DSCAM: variants seen among roughly 807,000 people sequenced by gnomAD.
The protein encoded by DSCAM is cell adhesion molecule DSCAM.
DSCAM carries 47 observed loss-of-function variants against 217.7 expected under a neutral mutation model. The observed-to-expected ratio is 0.22, with a 90% CI of 0.17 to 0.28. DSCAM has a LOEUF of 0.28. Ranked by LOEUF, DSCAM falls within the 10% of genes least tolerant of loss-of-function variation. The pLI, the probability that DSCAM is intolerant of heterozygous loss-of-function variation, is 1.00. For synonymous variants in DSCAM, 1,056 were observed against 1,015.3 expected (o/e 1.04, Z -0.76); for missense variants, 2,080 against 2,618.3 (o/e 0.79, Z 4.49).
intron 3 of DSCAM, among the ~76,000 whole-genome samples, chr21:40,617,510 C>T (rs1049675901): frequency 5.9e-5 from 9 of 152,164 alleles, no homozygotes; most frequent in East Asian, 1.9e-4. Context: ...TTCTAGGACC[C>T]GAGCAGGACA....
chr21:40,417,272 G>GCA (rs2075381153), intron 3 of DSCAM, among the ~76,000 whole-genome samples: 1 of 151,942 alleles, frequency 6.6e-6, no homozygotes, highest in South Asian at 2.1e-4. Context: ...GGGTACATGT[G>GCA]CACAATGTGC....
intron 3 of DSCAM, among the ~76,000 whole-genome samples, chr21:40,522,109 T>C (rs1021416088): frequency 3.9e-5 from 6 of 152,208 alleles, no homozygotes; most frequent in African/African-American, 1.2e-4. Flanking sequence ...AACTCTGCTA[T>C]AGAACAAAGC....
At chr21:40,172,319 A>C (rs2090667939) in intron 15 of DSCAM, among the ~76,000 whole-genome samples, 1 of 152,274 alleles carries the variant, frequency 6.6e-6, no homozygotes, top group South Asian at 2.1e-4. Flanking sequence ...TAAGAAATCC[A>C]AAACTCTTCG....
At chr21:40,625,976 T>C (rs2089595561) in intron 3 of DSCAM, among the ~76,000 whole-genome samples, 1 of 152,202 alleles carries the variant, frequency 6.6e-6, no homozygotes, top group African/African-American at 2.4e-5. Context: ...ATCTTTATTA[T>C]TTAGGTGTCT....
At chr21:40,436,661 AACAGCT>A (rs1249908714) in intron 3 of DSCAM, among the ~76,000 whole-genome samples, 1 of 152,196 alleles carries the variant, frequency 6.6e-6, no homozygotes, top group African/African-American at 2.4e-5. Context: ...GGGTGTCAGG[AACAGCT>A]ACAAAGCTTG....
At chr21:40,636,470 A>G (rs1377838532) in intron 3 of DSCAM, among the ~76,000 whole-genome samples, 4 of 152,234 alleles carry the variant, frequency 2.6e-5, no homozygotes, top group Middle Eastern at 3.4e-3. Flanking sequence ...CTTAGGTTAT[A>G]TTTGATCATC....
chr21:40,406,989 G>C (rs2035354635), intron 3 of DSCAM, among the ~76,000 whole-genome samples: 1 of 152,146 alleles, frequency 6.6e-6, no homozygotes, highest in Non-Finnish European at 1.5e-5. Context: ...GGGGCTGACA[G>C]GTGGAGGGAT....
At chr21:40,176,324 T>C (rs11908938) in intron 15 of DSCAM, among the ~76,000 whole-genome samples, 67,837 of 151,644 alleles carry the variant, frequency 0.45, 16,446 homozygotes, top group African/African-American at 0.65. Context: ...GTAGTAGCAT[T>C]GGGGGGCATC....
chr21:40,708,354 C>T, intron 2 of DSCAM, 100 bp downstream of exon 2: 1 of 1,041,478 alleles, frequency 9.6e-7, no homozygotes, highest in Non-Finnish European at 1.3e-6. Context: ...ATGGGGTTTT[C>T]ATTGGTTCTC....
Position 40,347,795 on chromosome 21 carries a change from A to T in DSCAM, c.1085T>A (p.Ile362Asn). The T allele has an allele frequency of 6.2e-7, 1 of 1,614,142 alleles. No homozygotes were observed. Among genetic ancestry groups the T allele is most frequent in the Non-Finnish European group, 8.5e-7 (1 of 1,180,010 alleles). Residue 362 changes from isoleucine (I) to asparagine (N), a missense_variant, in exon 6 of 33, where the codon ATC becomes AAC. By Grantham distance (149) the Ile-to-Asn change is moderately radical. Coordinates refer to ENST00000400454, the MANE Select transcript of DSCAM (RefSeq NM_001389.5). ...AAGGTTTTCGTGGTTGATCCCTGTG[A>T]TCCTCACATTTTTTCCAGGGTTGAG... is the stretch of plus-strand genomic sequence containing the variant. ...EILNPGKNVR[I>N]TGINHENLIM...
At chr21:40,762,226 A>G (rs929231835) in intron 1 of DSCAM, among the ~76,000 whole-genome samples, 2 of 152,176 alleles carry the variant, frequency 1.3e-5, no homozygotes, top group Admixed American at 6.6e-5. Flanking sequence ...AGACTAATAA[A>G]GAAGAAAAGA....
intron 20 of DSCAM, among the ~76,000 whole-genome samples, chr21:40,119,979 T>C (rs947151891): frequency 2.6e-5 from 4 of 152,158 alleles, no homozygotes; most frequent in Non-Finnish European, 4.4e-5. Flanking sequence ...TGACTATGGC[T>C]TTATTTGATG....
chr21:40,760,555 G>A (rs2091322745), intron 1 of DSCAM, among the ~76,000 whole-genome samples: 1 of 152,160 alleles, frequency 6.6e-6, no homozygotes, highest in Non-Finnish European at 1.5e-5. Flanking sequence ...AGTAAGAATG[G>A]GCCATTTAAC....
At chr21:40,337,984 G>T in intron 8 of DSCAM, 117 bp downstream of exon 8, 1 of 1,299,614 alleles carries the variant, frequency 7.7e-7, no homozygotes, top group Non-Finnish European at 1.1e-6. Context: ...TCTTCAGCCT[G>T]TACAATTATC....
chr21:40,214,745 A>C lies in DSCAM; in HGVS notation c.2357-25507T>G, dbSNP rs557683258. ...TCAAAGCAACAACAGCAAAAAAAAAAAAAAAAACAAAACAAAAAACAACAA... is the reference window on the plus strand; with the variant it reads ...TCAAAGCAACAACAGCAAAAAAAAACAAAAAAACAAAACAAAAAACAACAA... On this transcript the variant is annotated intron_variant, in intron 11 of 32. Coordinates refer to ENST00000400454, the MANE Select transcript of DSCAM (RefSeq NM_001389.5). Among the ~76,000 whole-genome samples, 352 of 151,574 alleles carry C rather than the reference A, an allele frequency of 2.3e-3. 3 individuals carry two copies. Among genetic ancestry groups the C allele is most frequent in the South Asian group, 5.6e-3 (27 of 4,820 alleles).
intron 2 of DSCAM, among the ~76,000 whole-genome samples, chr21:40,701,938 T>C (rs2090660987): frequency 6.6e-6 from 1 of 152,190 alleles, no homozygotes; most frequent in Admixed American, 6.5e-5. Flanking sequence ...AAAGGTCAAT[T>C]ACATCAAATT....
chr21:40,662,227 CT>C (rs1312851238), intron 3 of DSCAM, among the ~76,000 whole-genome samples: 4 of 151,574 alleles, frequency 2.6e-5, no homozygotes, highest in Non-Finnish European at 5.9e-5. Flanking sequence ...AGAAAGTTCA[CT>C]GTTAATATTG....
At chr21:40,794,803 T>G (rs1795860030) in intron 1 of DSCAM, among the ~76,000 whole-genome samples, 1 of 151,548 alleles carries the variant, frequency 6.6e-6, no homozygotes, top group African/African-American at 2.4e-5. Flanking sequence ...TCCAGTTGAA[T>G]GCATTACCTC....
At chr21:40,220,822 C>T (rs1225300653) in intron 11 of DSCAM, among the ~76,000 whole-genome samples, 7 of 152,290 alleles carry the variant, frequency 4.6e-5, no homozygotes, top group African/African-American at 1.7e-4. Context: ...CAGGCTCACC[C>T]TAGCACCCAA....
Sources: gnomAD v4.1 joint callset for allele counts (sites outside exome capture counted in the v4.1 genomes callset) on GRCh38, gnomAD v4.1.1 for gene constraint, MANE v1.5 for transcripts, NCBI Gene and HGNC (gene_info 2026-07-23, HGNC 2026-07-21) for gene names.